KCNIP1: variants seen among roughly 807,000 people sequenced by gnomAD.
KCNIP1 encodes the protein potassium voltage-gated channel interacting protein 1, also known as A-type potassium channel modulatory protein KCNIP1.
In KCNIP1, 18 loss-of-function variants were observed where a neutral mutation model predicts 33.0. The observed-to-expected ratio is 0.55, with a 90% CI of 0.38 to 0.81. KCNIP1 has a LOEUF of 0.81. Ranked by LOEUF, KCNIP1 falls within the 30% of genes least tolerant of loss-of-function variation. The pLI, the probability that KCNIP1 is intolerant of heterozygous loss-of-function variation, is 0.00. For missense variants in KCNIP1, 238 were observed against 271.6 expected (o/e 0.88, Z 0.87); for synonymous variants, 93 against 98.3 (o/e 0.95, Z 0.32).
chr5:170,455,015 TACC>T (rs1310116702), intron 1 of KCNIP1, among the ~76,000 whole-genome samples: 4 of 152,300 alleles, frequency 2.6e-5, no homozygotes, highest in African/African-American at 9.6e-5. Flanking sequence ...ATCAGGAAGA[TACC>T]ACAATTATAA....
chr5:170,620,291 G>A (rs1759552635), intron 1 of KCNIP1, among the ~76,000 whole-genome samples: 1 of 152,178 alleles, frequency 6.6e-6, no homozygotes, highest in African/African-American at 2.4e-5. Context: ...AATAGGCTCT[G>A]ATGGGCTTGA....
At chr5:170,629,914 G>A (rs1231980071) in intron 1 of KCNIP1, among the ~76,000 whole-genome samples, 2 of 152,390 alleles carry the variant, frequency 1.3e-5, no homozygotes, top group Middle Eastern at 3.4e-3. Flanking sequence ...CCCATCCTAA[G>A]GCAGGGACTT....
At chr5:170,599,389 A>G (rs1312366525) in intron 1 of KCNIP1, among the ~76,000 whole-genome samples, 4 of 152,190 alleles carry the variant, frequency 2.6e-5, no homozygotes, top group African/African-American at 9.7e-5. Context: ...GTGCAATGTC[A>G]TGATGGCATC....
upstream of KCNIP1, chr5:170,503,979 T>TGCCC (rs1157648416): frequency 1.1e-6 from 1 of 909,668 alleles, no homozygotes; most frequent in South Asian, 5.2e-5. Context: ...CCTCCGTAGT[T>TGCCC]GCCCGCCCGC....
chr5:170,410,570 G>T (rs1035852610), intron 1 of KCNIP1, among the ~76,000 whole-genome samples: 1 of 151,682 alleles, frequency 6.6e-6, no homozygotes, highest in Non-Finnish European at 1.5e-5. Flanking sequence ...ATTTTAAATA[G>T]GCCCTGTGGA....
At chr5:170,387,822 C>G (rs142218216) in intron 1 of KCNIP1, among the ~76,000 whole-genome samples, 17 of 152,358 alleles carry the variant, frequency 1.1e-4, no homozygotes, top group African/African-American at 4.1e-4. Flanking sequence ...GCCCCAACAG[C>G]CTGCTTCCCC....
intron 1 of KCNIP1, chr5:170,378,844 C>A: frequency 1.2e-6 from 2 of 1,614,222 alleles, no homozygotes; most frequent in South Asian, 2.2e-5. Context: ...TGGAATAGGA[C>A]GCTGGTTTCG....
intron 1 of KCNIP1, among the ~76,000 whole-genome samples, chr5:170,372,270 G>T (rs754881257): frequency 6.6e-6 from 1 of 152,164 alleles, no homozygotes; most frequent in Non-Finnish European, 1.5e-5. Context: ...GAGACACACA[G>T]GGCAAGGTAT....
At chr5:170,586,336 G>T (rs1273380284) in intron 1 of KCNIP1, among the ~76,000 whole-genome samples, 2 of 152,216 alleles carry the variant, frequency 1.3e-5, no homozygotes, top group Non-Finnish European at 2.9e-5. Flanking sequence ...GGATTAAGGT[G>T]TTGTGATTGA....
chr5:170,596,888 C>G (rs1758457997), intron 1 of KCNIP1, among the ~76,000 whole-genome samples: 1 of 152,236 alleles, frequency 6.6e-6, no homozygotes, highest in African/African-American at 2.4e-5. Flanking sequence ...GGGAAGCAGA[C>G]ACAGCAAGGG....
At chr5:170,366,213 C>T (rs1280522749) in intron 1 of KCNIP1, among the ~76,000 whole-genome samples, 1 of 152,218 alleles carries the variant, frequency 6.6e-6, no homozygotes, top group Admixed American at 6.5e-5. Context: ...CTGTACACTC[C>T]TGCCCCACTC....
intron 1 of KCNIP1, among the ~76,000 whole-genome samples, chr5:170,691,817 C>G (rs939061346): frequency 6.6e-6 from 1 of 152,052 alleles, no homozygotes; most frequent in African/African-American, 2.4e-5. Flanking sequence ...CTCCAGGCAC[C>G]AGTATGCAGG....
Position 170,504,696 on chromosome 5 carries a change from G to T in KCNIP1, c.61+63G>T. 3 of 1,381,710 alleles carry T rather than the reference G, an allele frequency of 2.2e-6. No individual in the cohort carries two copies. In the Middle Eastern group the frequency reaches 5.3e-4, roughly 245 times the overall value. 85.6% of individuals were successfully genotyped at this position (1,381,710 alleles called of 1,614,324 possible). Reference sequence around the variant, plus strand: ...TTGGGGGTGCTAGGCGCCGAGGTGGGCTGTGCCACCTGCCTCCCTTAGTCC... The same window carrying T: ...TTGGGGGTGCTAGGCGCCGAGGTGGTCTGTGCCACCTGCCTCCCTTAGTCC... On this transcript the variant is annotated intron_variant, in intron 1 of 7. Coordinates refer to ENST00000328939, the MANE Select transcript of KCNIP1 (RefSeq NM_014592.4). This position sits in a 1 kb window ranked among gnomAD's most constrained non-coding sequence, Gnocchi z 6.0.
intron 1 of KCNIP1, among the ~76,000 whole-genome samples, chr5:170,573,421 G>C (rs966499146): frequency 1.3e-5 from 2 of 152,118 alleles, no homozygotes; most frequent in Non-Finnish European, 2.9e-5. Flanking sequence ...ATTCTCCAGC[G>C]TCTATGAATT....
chr5:170,526,754 G>T (rs989375747), intron 1 of KCNIP1, among the ~76,000 whole-genome samples: 1 of 136,560 alleles, frequency 7.3e-6, no homozygotes, highest in Non-Finnish European at 1.5e-5. Context: ...ACAGAATCGC[G>T]CTCTGTTGCC....
chr5:170,403,932 A>G (rs187324074), intron 1 of KCNIP1, among the ~76,000 whole-genome samples: 1 of 152,304 alleles, frequency 6.6e-6, no homozygotes, highest in Non-Finnish European at 1.5e-5. Context: ...TGCATATTGT[A>G]GTAGAAAACA....
intron 5 of KCNIP1, among the ~76,000 whole-genome samples, chr5:170,729,484 A>G (rs1764122002): frequency 6.6e-6 from 1 of 152,076 alleles, no homozygotes. Context: ...CTTTAAATAA[A>G]TTAAAAATCT....
intron 1 of KCNIP1, among the ~76,000 whole-genome samples, chr5:170,596,642 C>T (rs556004103): frequency 6.6e-5 from 10 of 152,358 alleles, no homozygotes; most frequent in Admixed American, 5.2e-4. Context: ...GCCAGTGCCT[C>T]GGCCATCTGT....
intron 1 of KCNIP1, among the ~76,000 whole-genome samples, chr5:170,520,112 T>C (rs1002933078): frequency 4.6e-5 from 7 of 152,162 alleles, no homozygotes; most frequent in African/African-American, 1.7e-4. Context: ...TGCATGTGTG[T>C]AGAGGGATGA....
Sources: allele counts gnomAD v4.1 joint callset (sites outside exome capture counted in the v4.1 genomes callset), GRCh38; gene constraint gnomAD v4.1.1; non-coding constraint Gnocchi (gnomAD v3.1); transcripts MANE v1.5; gene names NCBI Gene and HGNC (gene_info 2026-07-23, HGNC 2026-07-21).